PTPRR: variants seen among roughly 807,000 people sequenced by gnomAD.
PTPRR encodes receptor-type tyrosine-protein phosphatase R.
In PTPRR, 38 loss-of-function variants were observed where a neutral mutation model predicts 77.2. That is an observed-to-expected ratio of 0.49 (90% CI 0.38 to 0.65). The LOEUF (loss-of-function observed/expected upper bound fraction) is 0.65. Among genes scored for constraint, PTPRR ranks in the 30% least tolerant of loss-of-function variants. The pLI is 0.00. For missense variants in PTPRR, 744 were observed against 799.2 expected, an observed-to-expected ratio of 0.93 and a Z score of 0.83; for synonymous variants, 299 against 283.1, an observed-to-expected ratio of 1.06 and a Z score of -0.57.
At chr12:70,883,545 ATTTC>A (rs1161950689) in intron 2 of PTPRR, among the ~76,000 whole-genome samples, 3 of 152,040 alleles carry the variant, frequency 2.0e-5, no homozygotes, top group African/African-American at 7.2e-5. Flanking sequence ...CCTGCAGATA[ATTTC>A]TTTCTTTTTG....
intron 2 of PTPRR, among the ~76,000 whole-genome samples, chr12:70,853,216 T>A (rs1326453356): frequency 2.0e-5 from 3 of 152,198 alleles, no homozygotes; most frequent in East Asian, 3.9e-4. Context: ...ATTCTCTCCA[T>A]CCTTACATCC....
intron 2 of PTPRR, among the ~76,000 whole-genome samples, chr12:70,776,784 C>T (rs1006145261): frequency 6.6e-6 from 1 of 152,134 alleles, no homozygotes; most frequent in Non-Finnish European, 1.5e-5. Context: ...TTCTGCCAGC[C>T]TTCCCTGACT....
At chr12:70,717,423 T>C (rs181980704) in intron 6 of PTPRR, among the ~76,000 whole-genome samples, 2 of 152,272 alleles carry the variant, frequency 1.3e-5, no homozygotes, top group Admixed American at 6.5e-5. Context: ...AAAATGATCA[T>C]TTCTGATGAA....
At chr12:70,860,602 T>A (rs1357911966) in intron 2 of PTPRR, among the ~76,000 whole-genome samples, 1 of 152,122 alleles carries the variant, frequency 6.6e-6, no homozygotes, top group Non-Finnish European at 1.5e-5. Flanking sequence ...CTTGTGAAAA[T>A]CCCACAATAA....
Position 70,892,767 on chromosome 12 carries a change from T to C in PTPRR, c.269A>G (p.Tyr90Cys). Residue 90 changes from tyrosine (Y) to cysteine (C), a missense_variant, in exon 2 of 14, where the codon TAT (tyrosine) becomes TGT (cysteine). Transcript: ENST00000283228. ...GGCCAGCAGATTGAGAGACGGGTCA[T>C]ATGCGGGTCTAGGAAATGCTGAATT... ...IVNSAFPRPAYDPSLNLLAMD... is the reference protein window; with the variant it reads ...IVNSAFPRPACDPSLNLLAMD... The C allele has an allele frequency of 1.9e-6, 3 of 1,613,506 alleles. No individual in the cohort carries two copies. Among genetic ancestry groups the C allele is most frequent in the Non-Finnish European group, 2.5e-6 (3 of 1,179,542 alleles).
intron 2 of PTPRR, among the ~76,000 whole-genome samples, chr12:70,836,046 A>G (rs998435572): frequency 3.3e-5 from 5 of 151,758 alleles, no homozygotes; most frequent in Non-Finnish European, 1.5e-5. Flanking sequence ...TCTCTTTCCT[A>G]TTGGGATGCC....
chr12:70,806,111 T>C (rs2137025512), intron 2 of PTPRR, among the ~76,000 whole-genome samples: 1 of 152,326 alleles, frequency 6.6e-6, no homozygotes, highest in South Asian at 2.1e-4. Flanking sequence ...AACCAACCAA[T>C]TACAGATGTG....
chr12:70,889,543 C>T (rs1051513062), intron 2 of PTPRR, among the ~76,000 whole-genome samples: 2 of 152,104 alleles, frequency 1.3e-5, no homozygotes, highest in African/African-American at 4.8e-5. Context: ...TTCTGTGTCA[C>T]AGAAACAATA....
At chr12:70,907,909 T>A (rs1234597852) in intron 1 of PTPRR, among the ~76,000 whole-genome samples, 1 of 152,168 alleles carries the variant, frequency 6.6e-6, no homozygotes, top group East Asian at 1.9e-4. Context: ...AGAAAAATGC[T>A]CATATGGCTA....
chr12:70,875,773 C>A (rs1045444011), intron 2 of PTPRR, among the ~76,000 whole-genome samples: 4 of 151,962 alleles, frequency 2.6e-5, no homozygotes, highest in Admixed American at 2.6e-4. Flanking sequence ...TATCTGTAAC[C>A]CATATGGCAG....
intron 6 of PTPRR, among the ~76,000 whole-genome samples, chr12:70,737,479 T>G (rs1009776346): frequency 7.1e-6 from 1 of 141,808 alleles, no homozygotes; most frequent in Non-Finnish European, 1.5e-5. Flanking sequence ...ATGGGTCTAT[T>G]TAATGAATAT....
chr12:70,888,850 T>C (rs1324064223), intron 2 of PTPRR, among the ~76,000 whole-genome samples: 1 of 152,096 alleles, frequency 6.6e-6, no homozygotes, highest in Non-Finnish European at 1.5e-5. Context: ...TGTCAAGAAG[T>C]ATACAGGCTA....
chr12:70,869,627 C>G (rs1297373990), intron 2 of PTPRR, among the ~76,000 whole-genome samples: 3 of 151,878 alleles, frequency 2.0e-5, no homozygotes, highest in Non-Finnish European at 2.9e-5. Flanking sequence ...ATTAGTAGGC[C>G]CAATATAATC....
chr12:70,645,095 AG>A (rs1886147876), intron 13 of PTPRR, among the ~76,000 whole-genome samples: 1 of 152,182 alleles, frequency 6.6e-6, no homozygotes. Context: ...GGTTCTACAA[AG>A]GTGGCTGAGG....
chr12:70,873,775 T>A (rs1426865403), intron 2 of PTPRR, among the ~76,000 whole-genome samples: 2 of 144,640 alleles, frequency 1.4e-5, no homozygotes, highest in Non-Finnish European at 3.0e-5. Context: ...TGTCGGGGAG[T>A]GGTGGGGGGT....
rs1156778564 is a variant in PTPRR at position 70,745,968 on chromosome 12, A to C, written c.857T>G (p.Val286Gly). ...CTGCTCAGGTTGGACCATGCTGTGG[A>C]CTGTCTTTGCCTCGGACAGTGCTGG... The part of the protein sequence containing the change: ...LQPALSEAKT[V>G]HSMVQPEQAP... The change falls in exon 6 of 14, where the codon GTC becomes GGC. Residue 286 changes from valine to glycine, a missense_variant. Val to Gly is a moderately radical substitution (Grantham distance 109). Transcript: ENST00000283228. 2 of 1,613,960 alleles carry C rather than the reference A, an allele frequency of 1.2e-6. No homozygotes were observed. Among genetic ancestry groups the C allele is most frequent in the Non-Finnish European group, 1.7e-6 (2 of 1,180,014 alleles).
At chr12:70,814,798 A>G (rs1891871757) in intron 2 of PTPRR, among the ~76,000 whole-genome samples, 3 of 152,220 alleles carry the variant, frequency 2.0e-5, no homozygotes, top group Non-Finnish European at 4.4e-5. Flanking sequence ...TGTAAGTCTC[A>G]AAAGAATTAA....
intron 2 of PTPRR, among the ~76,000 whole-genome samples, chr12:70,817,544 C>T (rs1224634542): frequency 6.6e-6 from 1 of 152,116 alleles, no homozygotes; most frequent in Non-Finnish European, 1.5e-5. Flanking sequence ...ACAACTTAAA[C>T]CATGTTGAAT....
intron 2 of PTPRR, among the ~76,000 whole-genome samples, chr12:70,815,244 T>C (rs957560738): frequency 1.3e-5 from 2 of 151,182 alleles, no homozygotes; most frequent in Non-Finnish European, 2.9e-5. Context: ...GAAGAAGGGA[T>C]TGGTAAGCTT....
Sources: allele counts gnomAD v4.1 joint callset (sites outside exome capture counted in the v4.1 genomes callset), GRCh38; gene constraint gnomAD v4.1.1; transcripts MANE v1.5; gene names NCBI Gene and HGNC (gene_info 2026-07-23, HGNC 2026-07-21).